The following RALGDS variants were observed in gnomAD, a reference collection of about 807,000 sequenced individuals.
RALGDS encodes ral guanine nucleotide dissociation stimulator, also known as ral guanine nucleotide exchange factor.
A neutral mutation model predicts 99.8 loss-of-function variants in RALGDS; 44 were observed. That is an observed-to-expected ratio of 0.44 (90% CI 0.35 to 0.57). RALGDS has a LOEUF of 0.57. Ranked by LOEUF, RALGDS falls within the 20% of genes least tolerant of loss-of-function variation. RALGDS has a pLI of 0.01. For missense variants in RALGDS, 1,022 were observed against 1,203.1 expected (o/e 0.85, Z 2.23); for synonymous variants, 529 against 505.0 (o/e 1.05, Z -0.64).
chr9:133,126,594 C>G (rs1832167018), intron 1 of RALGDS, among the ~76,000 whole-genome samples: 1 of 152,204 alleles, frequency 6.6e-6, no homozygotes, highest in Non-Finnish European at 1.5e-5. Flanking sequence ...TGACAACTGT[C>G]CCCCACTCCC....
chr9:133,101,018 C>T, intron 16 of RALGDS: 1 of 1,058,410 alleles, frequency 9.4e-7, no homozygotes, highest in Non-Finnish European at 1.1e-6. Flanking sequence ...AAAGAGCCCC[C>T]AGGCAAACCC....
At chr9:133,099,000 C>G (rs1195677843) in intron 17 of RALGDS, 4 of 519,440 alleles carry the variant, frequency 7.7e-6, no homozygotes, top group South Asian at 2.1e-5. Context: ...CAGAACCCCC[C>G]GGCTTGGCCT....
intron 2 of RALGDS, among the ~76,000 whole-genome samples, chr9:133,111,219 G>T (rs1831323956): frequency 6.6e-6 from 1 of 152,078 alleles, no homozygotes; most frequent in African/African-American, 2.4e-5. Context: ...CCATTCTAGA[G>T]ATGAGGAAAC....
chr9:133,113,765 G>A (rs867650210), intron 1 of RALGDS, among the ~76,000 whole-genome samples: 11 of 152,336 alleles, frequency 7.2e-5, no homozygotes, highest in Admixed American at 2.6e-4. Flanking sequence ...TGTGAAGGCC[G>A]TTGGCTCAGC....
chr9:133,145,305 A>G (rs1207746318), intron 1 of RALGDS, among the ~76,000 whole-genome samples: 2 of 152,000 alleles, frequency 1.3e-5, no homozygotes, highest in African/African-American at 4.8e-5. Context: ...TCCTTCTGGA[A>G]TCTCTCTGTG....
In RALGDS at chr9:133,121,164, G is replaced by A; in HGVS notation, c.-10C>T. 3.4e-6 allele frequency: 4 copies of A among 1,161,264 alleles called. No homozygotes were observed. Among genetic ancestry groups the A allele is most frequent in the Non-Finnish European group, 4.2e-6 (4 of 943,132 alleles). 71.9% of individuals were successfully genotyped at this position (1,161,264 alleles called of 1,614,324 possible). A position where few individuals can be genotyped will look rare whatever the true frequency, so the allele number is the denominator to read the frequency against. On this transcript the variant is annotated 5_prime_UTR_variant, in exon 1 of 18. Coordinates refer to ENST00000372050, the MANE Select transcript of RALGDS (RefSeq NM_006266.4). ...ACATGCGCTGCACCATGGAAGGCTCGCAGCGCGGGCGCGGGGCCGGCCCGG... is the reference window on the plus strand; with the variant it reads ...ACATGCGCTGCACCATGGAAGGCTCACAGCGCGGGCGCGGGGCCGGCCCGG...
intron 1 of RALGDS, among the ~76,000 whole-genome samples, chr9:133,140,294 A>C (rs1832496830): frequency 6.7e-6 from 1 of 148,518 alleles, no homozygotes; most frequent in Non-Finnish European, 1.5e-5. Flanking sequence ...CCCCACACAC[A>C]CATCTGGGAT....
At chr9:133,131,082 A>T (rs1231405690) in exon 1 of RALGDS, 6 of 1,487,684 alleles carry the variant, frequency 4.0e-6, no homozygotes, top group African/African-American at 2.8e-5. Flanking sequence ...CCACAGGCAC[A>T]TCAGGCCCTG....
At chr9:133,124,486 C>G (rs1832086692), upstream of RALGDS, among the ~76,000 whole-genome samples, 1 of 151,980 alleles carries the variant, frequency 6.6e-6, no homozygotes. Flanking sequence ...GGAGACCAGC[C>G]TGGGCAACAT....
At chr9:133,107,549 TCA>T (rs1831133343) in intron 6 of RALGDS, among the ~76,000 whole-genome samples, 1 of 145,678 alleles carries the variant, frequency 6.9e-6, no homozygotes, top group Admixed American at 6.8e-5. Flanking sequence ...TCCCCCCGCC[TCA>T]GTCTGCTCCC....
chr9:133,114,746 C>T (rs147354837), intron 1 of RALGDS, among the ~76,000 whole-genome samples: 74 of 152,344 alleles, frequency 4.9e-4, no homozygotes, highest in African/African-American at 1.7e-3. Flanking sequence ...AAGAACACCA[C>T]GTGCTTGGCT....
At chr9:133,125,997 A>G (rs979691848), upstream of RALGDS, among the ~76,000 whole-genome samples, 1 of 152,116 alleles carries the variant, frequency 6.6e-6, no homozygotes, top group African/African-American at 2.4e-5. Flanking sequence ...GCTATCAGAG[A>G]TGGCTGGGGG....
intron 1 of RALGDS, among the ~76,000 whole-genome samples, chr9:133,119,081 G>T (rs1392061095): frequency 6.6e-6 from 1 of 152,236 alleles, no homozygotes; most frequent in Non-Finnish European, 1.5e-5. Context: ...GCTTAGAATC[G>T]GGAAGATAAG....
intron 1 of RALGDS, among the ~76,000 whole-genome samples, chr9:133,119,065 G>A (rs1301532266): frequency 6.6e-6 from 1 of 152,232 alleles, no homozygotes; most frequent in African/African-American, 2.4e-5. Context: ...GGTCATTGGT[G>A]GCTTGGCTTA....
upstream of RALGDS, among the ~76,000 whole-genome samples, chr9:133,123,403 G>A (rs1020354806): frequency 6.6e-6 from 1 of 152,202 alleles, no homozygotes; most frequent in African/African-American, 2.4e-5. Flanking sequence ...TGGCCTTGAA[G>A]GTCCTGGGTG....
At chr9:133,116,510 G>T (rs988491207) in intron 1 of RALGDS, among the ~76,000 whole-genome samples, 2 of 152,222 alleles carry the variant, frequency 1.3e-5, no homozygotes, top group Non-Finnish European at 2.9e-5. Context: ...CAGGTCAGCC[G>T]CAAGCCTTGG....
intron 9 of RALGDS, among the ~76,000 whole-genome samples, chr9:133,105,559 TC>T (rs1830975576): frequency 6.6e-6 from 1 of 151,984 alleles, no homozygotes; most frequent in Admixed American, 6.5e-5. Context: ...GAGCCTGGCC[TC>T]CCGGGGACAG....
Position 133,097,937 on chromosome 9 carries a change from C to T in RALGDS, c.*650G>A, listed in dbSNP as rs183297466. The T allele has an allele frequency of 1.3e-5, 3 of 233,262 alleles. No homozygotes were observed. The highest frequency in any genetic ancestry group is 2.2e-5 in the African/African-American group (1 of 44,952). The allele number at this position is 233,262 out of a possible 1,614,324, so 14.4% of individuals were successfully genotyped here. A position where few individuals can be genotyped will look rare whatever the true frequency, so the allele number is the denominator to read the frequency against. ...AAGCCCAGGACGCAGTGGTGAATGG[C>T]ACTTGCAGTGGCATGAGATTCAACA... On this transcript the variant is annotated 3_prime_UTR_variant, in exon 18 of 18. Coordinates refer to ENST00000372050, the MANE Select transcript of RALGDS (RefSeq NM_006266.4).
In RALGDS at chr9:133,108,761, G is replaced by A. The variant is rs1186306319; in HGVS notation, c.690C>T (p.Leu230=). ...CLKQLVAYVQ[L]NMPGSDLERR... Reference sequence around the variant, plus strand: ...GCTCCAGGTCTGAGCCTGGCATGTTGAGCTGCACGTAGGCCACCAGCTGCT... The same window carrying A: ...GCTCCAGGTCTGAGCCTGGCATGTTAAGCTGCACGTAGGCCACCAGCTGCT... The change falls in exon 5 of 18, where the codon CTC becomes CTT. Residue 230 remains leucine, a synonymous_variant. Coordinates refer to ENST00000372050, the MANE Select transcript of RALGDS (RefSeq NM_006266.4). The A allele has an allele frequency of 5.0e-6, 8 of 1,613,678 alleles. No individual in the cohort carries two copies. The highest frequency in any genetic ancestry group is 1.7e-4 in the Middle Eastern group (1 of 6,060).
Sources: allele counts gnomAD v4.1 joint callset (sites outside exome capture counted in the v4.1 genomes callset), GRCh38; gene constraint gnomAD v4.1.1; transcripts MANE v1.5; gene names NCBI Gene and HGNC (gene_info 2026-07-23, HGNC 2026-07-21).